The following CCNI variants were observed in gnomAD, a reference collection of about 807,000 sequenced individuals.
CCNI encodes cyclin-I.
CCNI carries 14 observed loss-of-function variants against 34.1 expected under a neutral mutation model. The observed-to-expected ratio is 0.41, with a 90% CI of 0.27 to 0.64. The LOEUF (loss-of-function observed/expected upper bound fraction) is 0.64. Among genes scored for constraint, CCNI ranks in the 30% least tolerant of loss-of-function variants. The probability of loss-of-function intolerance (pLI) is 0.31; values close to 1 mark genes in which losing one functional copy is unlikely to be tolerated. For missense variants in CCNI, 385 were observed against 440.5 expected, an observed-to-expected ratio of 0.87 and a Z score of 1.13; for synonymous variants, 154 against 158.4, an observed-to-expected ratio of 0.97 and a Z score of 0.21.
At chr4:77,050,839 TAA>T (rs11384050) in intron 6 of CCNI, among the ~76,000 whole-genome samples, 2 of 141,432 alleles carry the variant, frequency 1.4e-5, no homozygotes, top group Admixed American at 7.1e-5. Flanking sequence ...TTAGGAAGCC[TAA>T]AAAAAAAAAA....
chr4:77,055,944 G>T lies in CCNI; in HGVS notation c.459+18C>A. ...TACACACTCAAATAAGAAACTAAAA[G>T]ACTTCAGGTATATTTACAATATGAA... On this transcript the variant is annotated intron_variant, in intron 5 of 6. Coordinates refer to ENST00000237654, the MANE Select transcript of CCNI (RefSeq NM_006835.3). 6.3e-7 allele frequency: 1 copy of T among 1,585,668 alleles called. No homozygotes were observed. The highest frequency in any genetic ancestry group is 1.2e-5 in the South Asian group (1 of 86,520).
chr4:77,059,044 G>T (rs527750669), intron 2 of CCNI, among the ~76,000 whole-genome samples: 1 of 151,992 alleles, frequency 6.6e-6, no homozygotes, highest in Non-Finnish European at 1.5e-5. Context: ...CTTATCTTAG[G>T]AAATATAAAT....
intron 2 of CCNI, among the ~76,000 whole-genome samples, chr4:77,064,172 G>A (rs141016906): frequency 6.6e-6 from 1 of 152,024 alleles, no homozygotes; most frequent in African/African-American, 2.4e-5. Context: ...GAGCCCGGGA[G>A]GCCGAGGTTA....
intron 6 of CCNI, among the ~76,000 whole-genome samples, chr4:77,051,470 C>T (rs4252928): frequency 0.037 from 5,684 of 151,850 alleles, 370 homozygotes; most frequent in African/African-American, 0.13. Flanking sequence ...TATATTTTAG[C>T]GGTGGGAGAC....
intron 1 of CCNI, among the ~76,000 whole-genome samples, chr4:77,071,945 T>C (rs1300743397): frequency 1.3e-5 from 2 of 152,224 alleles, no homozygotes; most frequent in Admixed American, 6.5e-5. Flanking sequence ...ATGGCTTCAC[T>C]GGTTAATTCT....
intron 6 of CCNI, among the ~76,000 whole-genome samples, chr4:77,050,041 A>C (rs983974261): frequency 6.6e-6 from 1 of 152,114 alleles, no homozygotes; most frequent in African/African-American, 2.4e-5. Context: ...TCTGATCTCA[A>C]CCTTCTTTTC....
At position 77,066,139 on chromosome 4, in the gene CCNI, A is replaced by G. The variant is rs4252825; in HGVS notation, c.114+110T>C. On this transcript the variant is annotated intron_variant, in intron 2 of 6. Transcript: ENST00000237654. ...AGGGAGAGTCTCTCAAATACAGCAC[A>G]TCCTTAAATGGTACACACTCCTCCA... is the stretch of plus-strand genomic sequence containing the variant. 12,941 of 859,984 alleles carry G rather than the reference A, an allele frequency of 0.015. 1,134 individuals carry two copies. The African/African-American group carries it at 0.19, about 13-fold the overall frequency. The allele number at this position is 859,984 out of a possible 1,614,324, so 53.3% of individuals were successfully genotyped here.
intron 1 of CCNI, among the ~76,000 whole-genome samples, chr4:77,071,650 C>G (rs1268560588): frequency 6.6e-6 from 1 of 152,020 alleles, no homozygotes; most frequent in Non-Finnish European, 1.5e-5. Context: ...TTACTAAAAT[C>G]AAGACTAAAA....
Position 77,075,543 on chromosome 4 carries a change from T to C in CCNI, c.-115A>G. ...GCCTCACAGTGGTGACGCGGGGTCA[T>C]CCGGGGGCCCGTTACCACCTCATTC... is the stretch of plus-strand genomic sequence containing the variant. On this transcript the variant is annotated 5_prime_UTR_variant, in exon 1 of 7. The change abolishes an upstream ATG in the 5' untranslated region. Transcript: ENST00000237654. 1.0e-6 allele frequency: 1 copy of C among 988,388 alleles called. No homozygotes were observed. Among genetic ancestry groups the C allele is most frequent in the Non-Finnish European group, 1.2e-6 (1 of 830,672 alleles). The allele number at this position is 988,388 out of a possible 1,614,324, so 61.2% of individuals were successfully genotyped here.
At chr4:77,062,223 T>C (rs1728661993) in intron 2 of CCNI, among the ~76,000 whole-genome samples, 1 of 152,236 alleles carries the variant, frequency 6.6e-6, no homozygotes, top group Non-Finnish European at 1.5e-5. Flanking sequence ...GCTGAGTACC[T>C]TCCTATGTTC....
chr4:77,058,566 A>G lies in CCNI; in HGVS notation c.184T>C (p.Tyr62His). 1 of 1,613,498 alleles carries G rather than the reference A, an allele frequency of 6.2e-7. No homozygotes were observed. Among genetic ancestry groups the G allele is most frequent in the Non-Finnish European group, 8.5e-7 (1 of 1,179,484 alleles). Residue 62 changes from tyrosine to histidine, a missense_variant, in exon 3 of 7, where the codon TAC becomes CAC. By Grantham distance (83) the Tyr-to-His change is moderately conservative (BLOSUM62 2). Coordinates refer to ENST00000237654, the MANE Select transcript of CCNI (RefSeq NM_006835.3). Reference protein sequence around the residue: ...LAKLKYQFNLYPETFALASSL... With the variant: ...LAKLKYQFNLHPETFALASSL... ...CTAGCCAGAGCAAATGTTTCTGGGT[A>G]AAGGTTGAATTGGTACTTGAGTTTG...
chr4:77,063,206 T>C (rs1030154893), intron 2 of CCNI, among the ~76,000 whole-genome samples: 1 of 152,012 alleles, frequency 6.6e-6, no homozygotes, highest in Non-Finnish European at 1.5e-5. Flanking sequence ...CTTCAAAATA[T>C]AGTTGGGGCA....
chr4:77,065,453 T>A (rs1728963746), intron 2 of CCNI, among the ~76,000 whole-genome samples: 1 of 152,226 alleles, frequency 6.6e-6, no homozygotes, highest in African/African-American at 2.4e-5. Flanking sequence ...TAAAAATTTC[T>A]AAAAGAAAAA....
At chr4:77,053,159 C>T (rs1228076261) in intron 6 of CCNI, among the ~76,000 whole-genome samples, 1 of 152,024 alleles carries the variant, frequency 6.6e-6, no homozygotes, top group African/African-American at 2.4e-5. Context: ...TTCTTCTATT[C>T]TATATTCTGG....
chr4:77,051,033 T>G (rs1322769582), intron 6 of CCNI, among the ~76,000 whole-genome samples: 1 of 152,210 alleles, frequency 6.6e-6, no homozygotes, highest in African/African-American at 2.4e-5. Flanking sequence ...CCCACTCGCA[T>G]TGTCCTGTAT....
intron 2 of CCNI, among the ~76,000 whole-genome samples, chr4:77,060,346 A>C (rs966122538): frequency 6.6e-6 from 1 of 152,178 alleles, no homozygotes; most frequent in Non-Finnish European, 1.5e-5. Context: ...AAACTACCCA[A>C]TTCTCTAATA....
intron 1 of CCNI, chr4:77,074,983 G>A (rs961190352): frequency 1.1e-4 from 3 of 27,646 alleles, no homozygotes; most frequent in Admixed American, 3.2e-4. Context: ...CCAAGCCCTG[G>A]GTAACGTTGC....
rs941252704 is a variant in CCNI at position 77,075,537 on chromosome 4, G to A, written c.-109C>T. Reference sequence around the variant, plus strand: ...CTGTAGGCCTCACAGTGGTGACGCGGGGTCATCCGGGGGCCCGTTACCACC... The same window carrying A: ...CTGTAGGCCTCACAGTGGTGACGCGAGGTCATCCGGGGGCCCGTTACCACC... On this transcript the variant is annotated 5_prime_UTR_variant, in exon 1 of 7. Coordinates refer to ENST00000237654, the MANE Select transcript of CCNI (RefSeq NM_006835.3). The A allele has an allele frequency of 3.7e-5, 37 of 988,444 alleles. No individual in the cohort carries two copies. The highest frequency in any genetic ancestry group is 3.3e-4 in the African/African-American group (19 of 57,322). The allele number at this position is 988,444 out of a possible 1,614,324, so 61.2% of individuals were successfully genotyped here.
At position 77,048,432 on chromosome 4, in the gene CCNI, G is replaced by T; in HGVS notation, c.921C>A (p.Tyr307Ter). 1 of 1,614,094 alleles carries T rather than the reference G, an allele frequency of 6.2e-7. No homozygotes were observed. The highest frequency in any genetic ancestry group is 2.2e-5 in the East Asian group (1 of 44,882). Reference sequence around the variant, plus strand: ...ACCCACTGGCAGCTGGGAGATGATGGTAAAAGGCTGCTGTACCTCTGACTG... The same window carrying T: ...ACCCACTGGCAGCTGGGAGATGATGTTAAAAGGCTGCTGTACCTCTGACTG... ...EVPVRGTAAF[Y>*]HHLPAASGCK... is the part of the protein sequence containing the mutation. The change falls in exon 7 of 7, where the codon TAC (tyrosine) becomes TAA (stop). Residue 307 changes from tyrosine (Y) to a stop codon, truncating the protein, a stop_gained. Transcript: ENST00000237654. LOFTEE classifies it high-confidence loss of function.
Sources: gnomAD v4.1 joint callset for allele counts (sites outside exome capture counted in the v4.1 genomes callset) on GRCh38, gnomAD v4.1.1 for gene constraint, MANE v1.5 for transcripts, NCBI Gene and HGNC (gene_info 2026-07-23, HGNC 2026-07-21) for gene names.